RNF212B: variants seen among roughly 807,000 people sequenced by gnomAD.
RNF212B encodes the protein E3 ubiquitin-protein ligase RNF212B.
Under a neutral mutation model 55.5 loss-of-function variants are expected in RNF212B, and 52 were observed. That is an observed-to-expected ratio of 0.94 (90% CI 0.75 to 1.18). The LOEUF (loss-of-function observed/expected upper bound fraction) is 1.18. RNF212B is among the 50% of genes most tolerant of loss of function. The pLI is 0.00. For missense variants in RNF212B, 289 were observed against 350.4 expected, an observed-to-expected ratio of 0.82 and a Z score of 1.40; for synonymous variants, 99 against 121.4, an observed-to-expected ratio of 0.82 and a Z score of 1.21.
intron 2 of RNF212B, among the ~76,000 whole-genome samples, chr14:23,223,590 C>T (rs563963372): frequency 3.9e-4 from 60 of 152,200 alleles, no homozygotes; most frequent in African/African-American, 7.9e-4. Context: ...CTCCTGACCC[C>T]GTGATCTGCC....
chr14:23,190,585 G>A (rs577396631), intron 1 of RNF212B, among the ~76,000 whole-genome samples: 1 of 152,266 alleles, frequency 6.6e-6, no homozygotes, highest in African/African-American at 2.4e-5. Flanking sequence ...CATTTCCACT[G>A]CTACCACCCT....
Position 23,240,339 on chromosome 14 carries a change from C to T in RNF212B, c.-1-6C>T. On this transcript the variant is annotated splice_region_variant and splice_polypyrimidine_tract_variant and intron_variant, in intron 1 of 14. Coordinates refer to ENST00000430154, the MANE Select transcript of RNF212B (RefSeq NM_001282322.3). ...TATTCTTACTCTTTCTCTTTATCTG[C>T]TCCAGAATGGATTGGTTTCATTGCA... The T allele has an allele frequency of 6.5e-7, 1 of 1,534,436 alleles. No individual in the cohort carries two copies. The highest frequency in any genetic ancestry group is 1.2e-5 in the South Asian group (1 of 83,598).
intron 14 of RNF212B, 120 bp from the exon 15 acceptor site, chr14:23,272,703 A>G: frequency 1.4e-6 from 1 of 706,404 alleles, no homozygotes; most frequent in Non-Finnish European, 2.5e-6. Flanking sequence ...GAAGAAAACT[A>G]TGGGGAAGCA....
intron 4 of RNF212B, among the ~76,000 whole-genome samples, chr14:23,254,287 AAAAACAAAACAAAAC>A (rs371325887): frequency 6.1e-5 from 5 of 82,244 alleles, no homozygotes; most frequent in African/African-American, 1.2e-4. Flanking sequence ...TCTTTATCTC[AAAAACAAAACAAAAC>A]AAAACAAAAC....
At chr14:23,238,774 A>ATC (rs1555316061) in intron 1 of RNF212B, among the ~76,000 whole-genome samples, 5 of 119,644 alleles carry the variant, frequency 4.2e-5, no homozygotes, top group Admixed American at 8.1e-5. Flanking sequence ...TAATAATAAT[A>ATC]ATAATAATCC....
At chr14:23,247,578 C>A (rs189334572) in intron 4 of RNF212B, among the ~76,000 whole-genome samples, 6 of 152,284 alleles carry the variant, frequency 3.9e-5, no homozygotes, top group African/African-American at 1.2e-4. Flanking sequence ...GTTGTAGCAT[C>A]TCTGTTAGGA....
intron 2 of RNF212B, among the ~76,000 whole-genome samples, chr14:23,232,895 C>T (rs531308212): frequency 3.6e-5 from 4 of 110,812 alleles, no homozygotes; most frequent in South Asian, 7.0e-4. Flanking sequence ...GCCACCACCC[C>T]ATCTGGGAGG....
At chr14:23,268,452 TTAC>T (rs1885847366) in intron 11 of RNF212B, among the ~76,000 whole-genome samples, 2 of 152,222 alleles carry the variant, frequency 1.3e-5, no homozygotes, top group African/African-American at 4.8e-5. Context: ...ATTCTCCAGA[TTAC>T]TACAAGCCCT....
chr14:23,270,811 G>C, intron 14 of RNF212B, 150 bp downstream of exon 14: 1 of 622,930 alleles, frequency 1.6e-6, no homozygotes, highest in South Asian at 1.8e-5. Flanking sequence ...TTCCAGAATG[G>C]TCTCAATTTC....
chr14:23,258,256 T>C (rs1419303998), intron 4 of RNF212B, among the ~76,000 whole-genome samples: 2 of 149,486 alleles, frequency 1.3e-5, no homozygotes, highest in Non-Finnish European at 3.0e-5. Flanking sequence ...GAGAATAGCT[T>C]GAACCCAGGA....
chr14:23,262,920 T>G lies in RNF212B; in HGVS notation c.482-8T>G. 1.3e-6 allele frequency: 2 copies of G among 1,550,476 alleles called. No homozygotes were observed. The highest frequency in any genetic ancestry group is 2.4e-5 in the South Asian group (2 of 84,052). On this transcript the variant is annotated splice_region_variant and splice_polypyrimidine_tract_variant and intron_variant, in intron 8 of 14. Transcript: ENST00000430154. ...CAACTTTTTATTCTGTACTTTATTC[T>G]CTTTCAGTTACCCCACGACCCAGTT...
chr14:23,229,504 TCAGCAATGTA>T (rs1882369154), intron 2 of RNF212B, among the ~76,000 whole-genome samples: 1 of 151,926 alleles, frequency 6.6e-6, no homozygotes, highest in Non-Finnish European at 1.5e-5. Flanking sequence ...TACATTCCCA[TCAGCAATGTA>T]CAAGGGTTCT....
chr14:23,201,277 C>A (rs569932193), intron 2 of RNF212B, among the ~76,000 whole-genome samples: 1 of 152,202 alleles, frequency 6.6e-6, no homozygotes, highest in African/African-American at 2.4e-5. Context: ...GTTATAAAAC[C>A]ATCTTCTAAA....
intron 11 of RNF212B, among the ~76,000 whole-genome samples, chr14:23,268,111 C>T (rs1885826977): frequency 6.6e-6 from 1 of 152,194 alleles, no homozygotes; most frequent in African/African-American, 2.4e-5. Flanking sequence ...GGTTTTTCTG[C>T]ACTTGGTAAG....
intron 2 of RNF212B, among the ~76,000 whole-genome samples, chr14:23,196,659 C>A (rs1362155408): frequency 6.6e-6 from 1 of 152,130 alleles, no homozygotes; most frequent in East Asian, 1.9e-4. Context: ...CCAGGCTGAT[C>A]TTGAACTCCT....
chr14:23,244,212 A>AC, intron 3 of RNF212B, 110 bp from the exon 4 acceptor site: 1 of 572,336 alleles, frequency 1.7e-6, no homozygotes, highest in East Asian at 3.0e-5. Flanking sequence ...CACACAGTGG[A>AC]GATAATGTCA....
rs1221112307 is a variant in RNF212B, at chr14:23,272,988, A to G, written c.*97A>G. The stretch of plus-strand genomic sequence containing the variant: ...ATGGCCCTGGAAAATGTATCCCTGC[A>G]TTGTTTCCTAGTTTCACTCTGTACC... On this transcript the variant is annotated 3_prime_UTR_variant, in exon 15 of 15. Coordinates refer to ENST00000430154, the MANE Select transcript of RNF212B (RefSeq NM_001282322.3). 6 of 675,344 alleles carry G rather than the reference A, an allele frequency of 8.9e-6. No individual in the cohort carries two copies. Among genetic ancestry groups the G allele is most frequent in the Non-Finnish European group, 1.5e-5 (6 of 404,434 alleles). 41.8% of individuals were successfully genotyped at this position (675,344 alleles called of 1,614,324 possible). A position where few individuals can be genotyped will look rare whatever the true frequency, so the allele number is the denominator to read the frequency against.
At chr14:23,250,545 G>A (rs1346175261) in intron 4 of RNF212B, among the ~76,000 whole-genome samples, 4 of 151,202 alleles carry the variant, frequency 2.6e-5, no homozygotes, top group East Asian at 1.9e-4. Context: ...TATCTTGTAA[G>A]TACTTGTGTT....
chr14:23,196,138 C>T (rs1878642018), intron 2 of RNF212B, among the ~76,000 whole-genome samples: 1 of 152,170 alleles, frequency 6.6e-6, no homozygotes, highest in African/African-American at 2.4e-5. Context: ...GAGCACCTGG[C>T]TTAGCATTTA....
Sources: gnomAD v4.1 joint callset for allele counts (sites outside exome capture counted in the v4.1 genomes callset) on GRCh38, gnomAD v4.1.1 for gene constraint, MANE v1.5 for transcripts, NCBI Gene and HGNC (gene_info 2026-07-23, HGNC 2026-07-21) for gene names.